The following KRT33B variants were observed in gnomAD, a reference collection of about 807,000 sequenced individuals.
The protein encoded by KRT33B is keratin, type I cuticular Ha3-II.
In KRT33B, 37 loss-of-function variants were observed where a neutral mutation model predicts 42.7. The observed-to-expected ratio is 0.87, with a 90% CI of 0.67 to 1.14. KRT33B has a LOEUF of 1.14. KRT33B is among the 50% of genes most tolerant of loss of function. The pLI is 0.00. For missense variants in KRT33B, 523 were observed against 515.1 expected (o/e 1.02, Z -0.15); for synonymous variants, 237 against 221.2 (o/e 1.07, Z -0.63).
intron 1 of KRT33B, 144 bp downstream of exon 1, chr17:41,369,259 C>T (rs935419026): frequency 3.2e-6 from 4 of 1,235,212 alleles, no homozygotes; most frequent in Admixed American, 5.4e-5. Flanking sequence ...TCTAAGACTA[C>T]TTGATGTCAT....
rs2017676094 is a variant in KRT33B at position 41,364,958 on chromosome 17, G to A, written c.918C>T (p.Arg306=). 3 of 1,613,314 alleles carry A rather than the reference G, an allele frequency of 1.9e-6. No homozygotes were observed. The highest frequency in any genetic ancestry group is 2.5e-6 in the Non-Finnish European group (3 of 1,180,054). ...GCACCTGGGACAGCTGGGAGCTGTA[G>A]CGGGCCTCGCTCTCTGTCAGCGTGT... The part of the protein sequence containing the change: ...LENTLTESEA[R]YSSQLSQVQS... The change falls in exon 6 of 7, where the codon CGC becomes CGT. Residue 306 remains arginine (R), a synonymous_variant. Coordinates refer to ENST00000251646, the MANE Select transcript of KRT33B (RefSeq NM_002279.5).
In KRT33B at chr17:41,363,853, T is replaced by G; in HGVS notation, c.1198A>C (p.Asn400His). 6.2e-7 allele frequency: 1 copy of G among 1,608,412 alleles called. No homozygotes were observed. The highest frequency in any genetic ancestry group is 8.5e-7 in the Non-Finnish European group (1 of 1,177,488). The change falls in exon 7 of 7, where the codon AAC becomes CAC. Residue 400 changes from asparagine (N) to histidine (H), a missense_variant. Asn to His is a moderately conservative substitution (Grantham distance 68). Coordinates refer to ENST00000251646, the MANE Select transcript of KRT33B (RefSeq NM_002279.5). ...CGPRSRCGPC[N>H]TFGY ...CAGGGTATCTAGTACCCAAAGGTGT[T>G]GCAAGGCCCACAGCGGGAACGAGGA...
At chr17:41,364,735 A>T (rs1347649371) in intron 6 of KRT33B, 44 bp downstream of exon 6, 81 of 1,609,392 alleles carry the variant, frequency 5.0e-5, no homozygotes, top group Non-Finnish European at 6.7e-5. Flanking sequence ...CTACAGTAGA[A>T]CAGTGCCTGT....
intron 3 of KRT33B, among the ~76,000 whole-genome samples, chr17:41,365,833 T>A (rs575700993): frequency 6.6e-6 from 1 of 151,558 alleles, no homozygotes; most frequent in South Asian, 2.1e-4. Flanking sequence ...CCTGGCATGA[T>A]AATTGGCTTA....
chr17:41,369,145 G>T (rs2017741830), intron 1 of KRT33B, among the ~76,000 whole-genome samples: 1 of 151,256 alleles, frequency 6.6e-6, no homozygotes, highest in Non-Finnish European at 1.5e-5. Context: ...CAGATATTCT[G>T]GTTTGGAGTA....
At position 41,366,460 on chromosome 17, in the gene KRT33B, G is replaced by C; in HGVS notation, c.588+10C>G. The C allele has an allele frequency of 6.2e-7, 1 of 1,611,558 alleles. No individual in the cohort carries two copies. The highest frequency in any genetic ancestry group is 8.5e-7 in the Non-Finnish European group (1 of 1,179,948). On this transcript the variant is annotated intron_variant, in intron 3 of 6. Coordinates refer to ENST00000251646, the MANE Select transcript of KRT33B (RefSeq NM_002279.5). The stretch of plus-strand genomic sequence containing the variant: ...CTCAGTATTGGGATATTGGGGGCTG[G>C]GACTCTTACCTGCTCATGGTTCTGC...
intron 2 of KRT33B, 44 bp downstream of exon 2, chr17:41,367,864 G>T: frequency 1.9e-6 from 3 of 1,547,212 alleles, no homozygotes; most frequent in Non-Finnish European, 2.7e-6. Flanking sequence ...TTGTAATTCA[G>T]CCTGTCCGTT....
At position 41,369,711 on chromosome 17, in the gene KRT33B, T is replaced by A; in HGVS notation, c.40A>T (p.Thr14Ser). Residue 14 changes from threonine (T) to serine (S), a missense_variant, in exon 1 of 7, where the codon ACC (threonine) becomes TCC (serine). By Grantham distance (58) the Thr-to-Ser change is moderately conservative. Transcript: ENST00000251646. The part of the protein sequence containing the change: ...NFCLPSLSCR[T>S]SCSSRPCVPP... ...ACACAGGGCCGGGAGGAGCAGCTGG[T>A]GCGGCAGCTCAGGCTGGGCAGGCAG... The A allele has an allele frequency of 6.2e-7, 1 of 1,613,820 alleles. No homozygotes were observed. Among genetic ancestry groups the A allele is most frequent in the Non-Finnish European group, 8.5e-7 (1 of 1,179,836 alleles).
rs2017691157 is a variant in KRT33B at position 41,365,620 on chromosome 17, T to G, written c.589-67A>C. On this transcript the variant is annotated intron_variant, in intron 3 of 6. Transcript: ENST00000251646. The stretch of plus-strand genomic sequence containing the variant: ...CTTTCAATAACTTCTTTGAGGCAGT[T>G]CAATATAATGGGAAGAGGATTGCAT... 1.9e-6 allele frequency: 3 copies of G among 1,547,948 alleles called. No individual in the cohort carries two copies. In the South Asian group the frequency reaches 3.6e-5, roughly 18 times the overall value.
chr17:41,368,223 A>G (rs965801535), intron 1 of KRT33B, among the ~76,000 whole-genome samples: 1 of 151,214 alleles, frequency 6.6e-6, no homozygotes, highest in Non-Finnish European at 1.5e-5. Flanking sequence ...TTCCTGCAAT[A>G]ATTAGGTTAC....
intron 2 of KRT33B, among the ~76,000 whole-genome samples, chr17:41,367,079 G>C (rs1327555438): frequency 6.6e-6 from 1 of 151,252 alleles, no homozygotes; most frequent in East Asian, 1.9e-4. Flanking sequence ...TCTCTCTGAG[G>C]CTTGATTTCC....
At chr17:41,365,589 A>T in intron 3 of KRT33B, 36 bp from the exon 4 acceptor site, 1 of 1,597,816 alleles carries the variant, frequency 6.3e-7, no homozygotes, top group Non-Finnish European at 8.5e-7. Context: ...ACCCACAGAA[A>T]GAAGTCTTTC....
Position 41,365,414 on chromosome 17 carries a change from A to G in KRT33B, c.728T>C (p.Val243Ala). The G allele has an allele frequency of 6.2e-7, 1 of 1,612,230 alleles. No individual in the cohort carries two copies. The highest frequency in any genetic ancestry group is 1.4e-5 in the African/African-American group (1 of 73,692). The change falls in exon 4 of 7, where the codon GTG (valine) becomes GCG (alanine). Residue 243 changes from valine to alanine, a missense_variant. By Grantham distance (64) the Val-to-Ala change is moderately conservative. Coordinates refer to ENST00000251646, the MANE Select transcript of KRT33B (RefSeq NM_002279.5). ...EALVETNRRE[V>A]EQWFATQTEE... is the part of the protein sequence containing the mutation. ...CACCTGCGTGGCGAACCATTGCTCC[A>G]CTTCCCTGCGGTTGGTTTCCACCAG... is the stretch of plus-strand genomic sequence containing the variant.
chr17:41,364,046 G>A lies in KRT33B; in HGVS notation c.1098-93C>T, dbSNP rs538335362. 67 of 840,190 alleles carry A rather than the reference G, an allele frequency of 8.0e-5. 2 individuals are homozygous for A. Among genetic ancestry groups the A allele is most frequent in the African/African-American group, 4.2e-4 (24 of 57,498 alleles). 52.0% of individuals were successfully genotyped at this position (840,190 alleles called of 1,614,324 possible). On this transcript the variant is annotated intron_variant, in intron 6 of 6. Transcript: ENST00000251646. ...AGAGACACAGAAACAAGCAGAACCC[G>A]TTCTCTGATGTCCTAGGAAGCCATG...
intron 1 of KRT33B, among the ~76,000 whole-genome samples, chr17:41,368,509 G>A (rs1163091394): frequency 1.3e-5 from 2 of 151,236 alleles, no homozygotes; most frequent in East Asian, 3.9e-4. Context: ...TATGACCTTT[G>A]TGTGATCATT....
At chr17:41,369,333 T>G in intron 1 of KRT33B, 70 bp downstream of exon 1, 1 of 1,571,152 alleles carries the variant, frequency 6.4e-7, no homozygotes, top group Non-Finnish European at 8.7e-7. Context: ...CTTAGATCCA[T>G]TCACAGTTTA....
At position 41,363,667 on chromosome 17, in the gene KRT33B, C is replaced by T. The variant is rs769409691; in HGVS notation, c.*169G>A. On this transcript the variant is annotated 3_prime_UTR_variant, in exon 7 of 7. Coordinates refer to ENST00000251646, the MANE Select transcript of KRT33B (RefSeq NM_002279.5). Reference sequence around the variant, plus strand: ...CTGGGGTGAGGAGGATCAAGTAGCCCTAGGCTCAGAGTCAGACCCAAACGC... The same window carrying T: ...CTGGGGTGAGGAGGATCAAGTAGCCTTAGGCTCAGAGTCAGACCCAAACGC... 4.5e-5 allele frequency: 24 copies of T among 535,242 alleles called. No individual in the cohort carries two copies. Among genetic ancestry groups the T allele is most frequent in the Non-Finnish European group, 6.7e-6 (2 of 298,818 alleles). The allele number at this position is 535,242 out of a possible 1,614,324, so 33.2% of individuals were successfully genotyped here. A position where few individuals can be genotyped will look rare whatever the true frequency, so the allele number is the denominator to read the frequency against.
Position 41,366,729 on chromosome 17 carries a change from T to C in KRT33B, c.432-103A>G, listed in dbSNP as rs937767136. 5.7e-6 allele frequency: 7 copies of C among 1,219,660 alleles called. No homozygotes were observed. The African/African-American group carries it at 1.1e-4, about 20-fold the overall frequency. The allele number at this position is 1,219,660 out of a possible 1,614,324, so 75.6% of individuals were successfully genotyped here. A position where few individuals can be genotyped will look rare whatever the true frequency, so the allele number is the denominator to read the frequency against. Reference sequence around the variant, plus strand: ...GTCAATTTTATTATATTTTGAAATATTTTGAATTTAAAAAATTAAGGGAGA... The same window carrying C: ...GTCAATTTTATTATATTTTGAAATACTTTGAATTTAAAAAATTAAGGGAGA... On this transcript the variant is annotated intron_variant, in intron 2 of 6. Transcript: ENST00000251646.
rs143433358 is a variant in KRT33B at position 41,367,281 on chromosome 17, T to G, written c.431+627A>C. Among the ~76,000 whole-genome samples, 175 of 151,598 alleles carry G rather than the reference T, an allele frequency of 1.2e-3. 6 individuals carry two copies. The East Asian group carries it at 0.029, about 25-fold the overall frequency. On this transcript the variant is annotated intron_variant, in intron 2 of 6. Coordinates refer to ENST00000251646, the MANE Select transcript of KRT33B (RefSeq NM_002279.5). ...GATTTTGCCTCCTGTTTTTGTGGTTTAATAACTTCTTTTTGGGGGGTTGAC... is the reference window on the plus strand; with the variant it reads ...GATTTTGCCTCCTGTTTTTGTGGTTGAATAACTTCTTTTTGGGGGGTTGAC...
Sources: gnomAD v4.1 joint callset for allele counts (sites outside exome capture counted in the v4.1 genomes callset) on GRCh38, gnomAD v4.1.1 for gene constraint, MANE v1.5 for transcripts, NCBI Gene and HGNC (gene_info 2026-07-23, HGNC 2026-07-21) for gene names.